Variants in NARS2 observed in about 807,000 individuals in gnomAD.
NARS2 encodes asparaginyl-tRNA synthetase 2, mitochondrial, also known as asparaginyl-tRNA synthetase.
In NARS2, 60 loss-of-function variants were observed where a neutral mutation model predicts 62.9. That is an observed-to-expected ratio of 0.95 (90% CI 0.77 to 1.18). The LOEUF (loss-of-function observed/expected upper bound fraction) is 1.18, where lower values mean the gene tolerates loss of function less well. Among genes scored for constraint, NARS2 ranks in the 50% most tolerant of loss-of-function variants. NARS2 has a pLI of 0.00. For missense variants in NARS2, 619 were observed against 576.4 expected, an observed-to-expected ratio of 1.07 and a Z score of -0.76; for synonymous variants, 196 against 200.0, an observed-to-expected ratio of 0.98 and a Z score of 0.17.
chr11:78,444,718 C>CAAAAA (rs747610936), intron 11 of NARS2, among the ~76,000 whole-genome samples: 7 of 58,120 alleles, frequency 1.2e-4, no homozygotes, highest in Admixed American at 4.0e-4. Flanking sequence ...GACTCTGTCT[C>CAAAAA]AAACAAAACA....
chr11:78,567,140 C>T (rs1177462008), intron 3 of NARS2, among the ~76,000 whole-genome samples: 1 of 152,176 alleles, frequency 6.6e-6, no homozygotes, highest in Non-Finnish European at 1.5e-5. Flanking sequence ...GCCATCAACA[C>T]CAACAGAAGC....
At chr11:78,476,431 C>G (rs537515392) in intron 9 of NARS2, among the ~76,000 whole-genome samples, 6 of 152,178 alleles carry the variant, frequency 3.9e-5, no homozygotes, top group Admixed American at 2.0e-4. Context: ...GGGGAATCTT[C>G]TGTGTGTGGT....
chr11:78,502,395 G>C (rs1590784963), intron 6 of NARS2, among the ~76,000 whole-genome samples: 1 of 152,126 alleles, frequency 6.6e-6, no homozygotes, highest in East Asian at 1.9e-4. Flanking sequence ...AAGCACCCCT[G>C]GTATCTCTTC....
At chr11:78,556,198 C>T (rs934332288) in intron 5 of NARS2, among the ~76,000 whole-genome samples, 3 of 152,246 alleles carry the variant, frequency 2.0e-5, no homozygotes, top group Admixed American at 6.5e-5. Flanking sequence ...ATTGCTCTTA[C>T]CTGGAATATT....
chr11:78,484,556 A>C (rs1049636899), intron 7 of NARS2, among the ~76,000 whole-genome samples: 5 of 152,188 alleles, frequency 3.3e-5, no homozygotes, highest in African/African-American at 9.7e-5. Context: ...AAAAACAAAC[A>C]ACCTCATCAA....
chr11:78,474,092 G>A (rs1187884001), intron 9 of NARS2, among the ~76,000 whole-genome samples: 3 of 152,194 alleles, frequency 2.0e-5, no homozygotes. Context: ...ATTCAACAAC[G>A]TATTTAAAAG....
chr11:78,537,384 T>A (rs1387841228), intron 5 of NARS2, among the ~76,000 whole-genome samples: 2 of 152,214 alleles, frequency 1.3e-5, no homozygotes, highest in Non-Finnish European at 2.9e-5. Flanking sequence ...TGGCTTGTAT[T>A]CATGTAGGGT....
At chr11:78,500,580 C>A (rs1426044865) in intron 6 of NARS2, among the ~76,000 whole-genome samples, 1 of 152,062 alleles carries the variant, frequency 6.6e-6, no homozygotes, top group Non-Finnish European at 1.5e-5. Context: ...CTCAAGCAAT[C>A]CTCCTGCCCC....
chr11:78,525,289 G>A (rs1009506344), intron 6 of NARS2, among the ~76,000 whole-genome samples: 9 of 151,890 alleles, frequency 5.9e-5, no homozygotes, highest in Admixed American at 1.3e-4. Context: ...GGACTTTGGA[G>A]GAATAATAAT....
At chr11:78,464,948 G>A (rs1858554495) in intron 11 of NARS2, among the ~76,000 whole-genome samples, 1 of 152,262 alleles carries the variant, frequency 6.6e-6, no homozygotes, top group Non-Finnish European at 1.5e-5. Flanking sequence ...GGACCTGCCT[G>A]CCAGTCCCGC....
At chr11:78,474,804 TTGAC>T (rs929977810) in intron 9 of NARS2, among the ~76,000 whole-genome samples, 29 of 152,196 alleles carry the variant, frequency 1.9e-4, no homozygotes, top group Non-Finnish European at 7.4e-5. Flanking sequence ...GAATTTTTAA[TTGAC>T]AAATATTTTA....
At chr11:78,538,040 C>T (rs1057354651) in intron 5 of NARS2, among the ~76,000 whole-genome samples, 1 of 152,152 alleles carries the variant, frequency 6.6e-6, no homozygotes, top group Non-Finnish European at 1.5e-5. Flanking sequence ...GATGAAATCT[C>T]AGGCTGTCCC....
At chr11:78,513,134 C>G (rs1308836205) in intron 6 of NARS2, among the ~76,000 whole-genome samples, 7 of 152,082 alleles carry the variant, frequency 4.6e-5, no homozygotes, top group Non-Finnish European at 7.4e-5. Flanking sequence ...CCTGTAATCC[C>G]AGCTACTCGG....
chr11:78,448,952 T>C (rs1857862869), intron 11 of NARS2, among the ~76,000 whole-genome samples: 2 of 152,180 alleles, frequency 1.3e-5, no homozygotes, highest in South Asian at 4.1e-4. Context: ...TTTAAAGGAA[T>C]ATAAAAGACT....
At chr11:78,569,732 T>C (rs1199886777) in intron 2 of NARS2, among the ~76,000 whole-genome samples, 3 of 152,200 alleles carry the variant, frequency 2.0e-5, no homozygotes, top group African/African-American at 4.8e-5. Flanking sequence ...ACTTAAAATA[T>C]GTACTACCTG....
At chr11:78,441,780 G>A (rs1256739486) in intron 12 of NARS2, among the ~76,000 whole-genome samples, 3 of 151,446 alleles carry the variant, frequency 2.0e-5, no homozygotes, top group Non-Finnish European at 4.4e-5. Flanking sequence ...ACACAGACAA[G>A]GGACACAGAG....
intron 9 of NARS2, among the ~76,000 whole-genome samples, chr11:78,477,929 C>CAA (rs1491361503): frequency 7.9e-5 from 12 of 151,998 alleles, no homozygotes; most frequent in African/African-American, 2.7e-4. Flanking sequence ...TCTCTATCTC[C>CAA]ACACACACAC....
At chr11:78,551,511 T>C (rs114432907) in intron 5 of NARS2, among the ~76,000 whole-genome samples, 1,643 of 152,328 alleles carry the variant, frequency 0.011, 34 homozygotes, top group African/African-American at 0.039. Flanking sequence ...TACACTTTCA[T>C]ATTTTATGGT....
intron 6 of NARS2, among the ~76,000 whole-genome samples, chr11:78,524,142 T>G (rs1258770403): frequency 6.6e-6 from 1 of 152,156 alleles, no homozygotes; most frequent in African/African-American, 2.4e-5. Context: ...TTTTTAAAAA[T>G]AAGGCCCATT....
Sources: gnomAD v4.1 joint callset for allele counts (sites outside exome capture counted in the v4.1 genomes callset) on GRCh38, gnomAD v4.1.1 for gene constraint, MANE v1.5 for transcripts, NCBI Gene and HGNC (gene_info 2026-07-23, HGNC 2026-07-21) for gene names.